The following CDH13 variants were observed in gnomAD, a reference collection of about 807,000 sequenced individuals.
CDH13 encodes the protein cadherin-13.
A neutral mutation model predicts 63.8 loss-of-function variants in CDH13; 24 were observed. The observed-to-expected ratio is 0.38, with a 90% confidence interval of 0.27 to 0.53. The LOEUF (loss-of-function observed/expected upper bound fraction) is 0.53, where lower values mean the gene tolerates loss of function less well. CDH13 is among the 20% of genes least tolerant of loss of function. The pLI, the probability that CDH13 is intolerant of heterozygous loss-of-function variation, is 0.85. For synonymous variants in CDH13, 503 were observed against 355.3 expected (o/e 1.42, Z -4.67); for missense variants, 1,049 against 903.1 (o/e 1.16, Z -2.07).
chr16:83,083,431 C>G (rs1440582331), intron 3 of CDH13, among the ~76,000 whole-genome samples: 1 of 152,184 alleles, frequency 6.6e-6, no homozygotes, highest in Non-Finnish European at 1.5e-5. Flanking sequence ...TCTGTGTAGT[C>G]CTGCACATTT....
chr16:83,454,184 C>T (rs1468423639), intron 6 of CDH13, among the ~76,000 whole-genome samples: 1 of 152,182 alleles, frequency 6.6e-6, no homozygotes, highest in African/African-American at 2.4e-5. Flanking sequence ...GATGACTCAC[C>T]TCAGAAAAGG....
chr16:83,610,631 C>G (rs1908774754), intron 8 of CDH13, among the ~76,000 whole-genome samples: 1 of 152,132 alleles, frequency 6.6e-6, no homozygotes, highest in Non-Finnish European at 1.5e-5. Flanking sequence ...TTTTGTGAGA[C>G]TTATCTATGT....
intron 2 of CDH13, among the ~76,000 whole-genome samples, chr16:82,880,958 T>C (rs1009567652): frequency 6.6e-6 from 1 of 152,216 alleles, no homozygotes; most frequent in Non-Finnish European, 1.5e-5. Context: ...GTGAGAACAA[T>C]TTTTAAAGCC....
At chr16:82,937,656 T>C (rs2042713559) in intron 2 of CDH13, among the ~76,000 whole-genome samples, 1 of 152,262 alleles carries the variant, frequency 6.6e-6, no homozygotes, top group Admixed American at 6.5e-5. Flanking sequence ...AGGTTACCTG[T>C]TGATCCTTCC....
chr16:83,227,236 C>G (rs562348908), intron 5 of CDH13, among the ~76,000 whole-genome samples: 1 of 152,190 alleles, frequency 6.6e-6, no homozygotes, highest in Admixed American at 6.5e-5. Context: ...GAAAGAGAGG[C>G]CCCCTCTGAC....
chr16:83,060,543 G>T (rs1231759261), intron 3 of CDH13, among the ~76,000 whole-genome samples: 1 of 152,094 alleles, frequency 6.6e-6, no homozygotes, highest in Non-Finnish European at 1.5e-5. Flanking sequence ...TCATAAAGAG[G>T]CCCAGAGAGG....
chr16:82,692,714 C>T (rs117348230), intron 1 of CDH13, among the ~76,000 whole-genome samples: 2,641 of 152,236 alleles, frequency 0.017, 28 homozygotes, highest in Non-Finnish European at 0.028. Context: ...GGAGAGAGAA[C>T]GTGGGTTCTC....
At chr16:82,935,778 T>G (rs1381932594) in intron 2 of CDH13, among the ~76,000 whole-genome samples, 2 of 152,126 alleles carry the variant, frequency 1.3e-5, no homozygotes, top group Non-Finnish European at 2.9e-5. Flanking sequence ...ACCCTGGGGT[T>G]TCTTGTTGTG....
At chr16:83,532,006 C>G (rs1432022730) in intron 7 of CDH13, among the ~76,000 whole-genome samples, 1 of 152,076 alleles carries the variant, frequency 6.6e-6, no homozygotes, top group Non-Finnish European at 1.5e-5. Context: ...GTAATTGAAT[C>G]ATGGGGGCAG....
At chr16:83,465,819 C>T (rs539859578) in intron 6 of CDH13, among the ~76,000 whole-genome samples, 35 of 152,154 alleles carry the variant, frequency 2.3e-4, no homozygotes, top group African/African-American at 7.2e-4. Flanking sequence ...GTGTATCAGC[C>T]GAGGAAGCAT....
chr16:82,754,499 G>C (rs1448540554), intron 1 of CDH13, among the ~76,000 whole-genome samples: 1 of 152,070 alleles, frequency 6.6e-6, no homozygotes, highest in African/African-American at 2.4e-5. Context: ...GTCACTGTTT[G>C]TAGGAATTGT....
intron 2 of CDH13, among the ~76,000 whole-genome samples, chr16:82,983,759 G>GTTGTGTGTCTCTCTGAATTA (rs1910588720): frequency 6.6e-6 from 1 of 152,176 alleles, no homozygotes; most frequent in Non-Finnish European, 1.5e-5. Context: ...CTGCTTCTGT[G>GTTGTGTGTCTCTCTGAATTA]TTGTGTGTCT....
At chr16:82,869,140 G>A (rs567385505) in intron 2 of CDH13, among the ~76,000 whole-genome samples, 2 of 152,218 alleles carry the variant, frequency 1.3e-5, no homozygotes, top group African/African-American at 4.8e-5. Context: ...TCTGCCTCCT[G>A]GGTTCAAGCT....
At chr16:83,473,534 G>A (rs1372217967) in intron 6 of CDH13, among the ~76,000 whole-genome samples, 1 of 152,138 alleles carries the variant, frequency 6.6e-6, no homozygotes, top group African/African-American at 2.4e-5. Context: ...TAACAGGTGT[G>A]GTTCTGGAGT....
At chr16:82,799,844 T>G (rs2036765282) in intron 1 of CDH13, among the ~76,000 whole-genome samples, 1 of 152,188 alleles carries the variant, frequency 6.6e-6, no homozygotes, top group Non-Finnish European at 1.5e-5. Flanking sequence ...TCTCTGCCTA[T>G]CTACTGATGA....
At chr16:83,223,159 A>G (rs967426348) in intron 5 of CDH13, among the ~76,000 whole-genome samples, 6 of 152,166 alleles carry the variant, frequency 3.9e-5, no homozygotes, top group African/African-American at 1.4e-4. Context: ...TAAAGAAGAG[A>G]ATCGTATTGG....
At chr16:83,342,397 T>G (rs1272929410) in intron 5 of CDH13, among the ~76,000 whole-genome samples, 1 of 152,174 alleles carries the variant, frequency 6.6e-6, no homozygotes, top group African/African-American at 2.4e-5. Flanking sequence ...ATGTAGTGAG[T>G]CCTCAAATAA....
At chr16:83,157,738 TAAAAAAAAA>T (rs58336254) in intron 4 of CDH13, among the ~76,000 whole-genome samples, 2 of 99,536 alleles carry the variant, frequency 2.0e-5, no homozygotes, top group African/African-American at 3.2e-5. Context: ...ACTAGAAATA[TAAAAAAAAA>T]AAAAAAAAAA....
chr16:83,008,915 G>A lies in CDH13; in HGVS notation c.158-23095G>A, dbSNP rs183285630. Among the ~76,000 whole-genome samples, 225 of 152,306 alleles carry A rather than the reference G, an allele frequency of 1.5e-3. 2 individuals are homozygous for A. The highest frequency in any genetic ancestry group is 5.1e-3 in the African/African-American group (213 of 41,562). On this transcript the variant is annotated intron_variant, in intron 2 of 13. Coordinates refer to ENST00000567109, the MANE Select transcript of CDH13 (RefSeq NM_001257.5). Reference sequence around the variant, plus strand: ...CAGGAAAGGTAGAATTATGGTGGAAGGGGAAGCAAACACGTCCATCTTCAC... The same window carrying A: ...CAGGAAAGGTAGAATTATGGTGGAAAGGGAAGCAAACACGTCCATCTTCAC...
Sources: gnomAD v4.1 joint callset for allele counts (sites outside exome capture counted in the v4.1 genomes callset) on GRCh38, gnomAD v4.1.1 for gene constraint, MANE v1.5 for transcripts, NCBI Gene and HGNC (gene_info 2026-07-23, HGNC 2026-07-21) for gene names.